Variants in TMEM273 observed in about 807,000 individuals in gnomAD.
The protein encoded by TMEM273 is transmembrane protein 273, also known as chromosome 10 open reading frame 128.
In TMEM273, 19 loss-of-function variants were observed where a neutral mutation model predicts 17.9. The observed-to-expected ratio is 1.06, with a 90% confidence interval of 0.74 to 1.55. The LOEUF is 1.55. TMEM273 is among the 40% of genes most tolerant of loss of function. The pLI is 0.00. For missense variants in TMEM273, 194 were observed against 155.6 expected (o/e 1.25, Z -1.31); for synonymous variants, 66 against 62.0 (o/e 1.07, Z -0.31).
chr10:49,157,170 C>T (rs1845561886), intron 6 of TMEM273, among the ~76,000 whole-genome samples: 1 of 152,204 alleles, frequency 6.6e-6, no homozygotes, highest in African/African-American at 2.4e-5. Flanking sequence ...AGAGAGCAGC[C>T]TCCTCCCACC....
At chr10:49,158,711 A>G (rs946977289) in intron 6 of TMEM273, among the ~76,000 whole-genome samples, 6 of 152,216 alleles carry the variant, frequency 3.9e-5, no homozygotes, top group Non-Finnish European at 7.3e-5. Flanking sequence ...AATTTAGAAC[A>G]TTATAAAAGA....
intron 1 of TMEM273, among the ~76,000 whole-genome samples, chr10:49,169,972 C>T (rs1263648148): frequency 6.6e-6 from 1 of 152,244 alleles, no homozygotes; most frequent in African/African-American, 2.4e-5. Flanking sequence ...GGGCCAGACC[C>T]CTGAGCCCCA....
At chr10:49,171,154 G>A (rs1459858079) in intron 1 of TMEM273, among the ~76,000 whole-genome samples, 4 of 152,262 alleles carry the variant, frequency 2.6e-5, no homozygotes, top group African/African-American at 9.6e-5. Context: ...GGGGACTGAG[G>A]TAAGGCTGTG....
At chr10:49,185,106 C>T (rs1807888913) in intron 1 of TMEM273, among the ~76,000 whole-genome samples, 1 of 152,124 alleles carries the variant, frequency 6.6e-6, no homozygotes, top group Non-Finnish European at 1.5e-5. Context: ...CCAAACTCCA[C>T]CTCTTATGTT....
At chr10:49,175,466 G>A (rs899928055) in intron 1 of TMEM273, among the ~76,000 whole-genome samples, 1 of 152,244 alleles carries the variant, frequency 6.6e-6, no homozygotes, top group Admixed American at 6.5e-5. Flanking sequence ...CTAGCTTCCA[G>A]AAATAGCATC....
Position 49,188,349 on chromosome 10 carries a change from C to T in TMEM273, c.-13G>A, listed in dbSNP as rs1007655464. ...CCCCCAAGTTCATGCTGGCGCTCTG[C>T]TCTTGGCTCCTGGCTCCTGGCTGCT... On this transcript the variant is annotated 5_prime_UTR_variant, in exon 1 of 7. Coordinates refer to ENST00000374153, the MANE Select transcript of TMEM273 (RefSeq NM_001288740.3). 3 of 1,614,068 alleles carry T rather than the reference C, an allele frequency of 1.9e-6. No individual in the cohort carries two copies. The highest frequency in any genetic ancestry group is 1.3e-5 in the African/African-American group (1 of 74,946).
rs1564613984 is a variant in TMEM273, at chr10:49,155,094, A to G, written c.*798T>C. On this transcript the variant is annotated 3_prime_UTR_variant, in exon 7 of 7. Transcript: ENST00000374153. ...ATTGTAGAATGTCATGGCTTTCCTC[A>G]GCCTCCACCAGTCATGTCTTCTATG... The G allele has an allele frequency of 6.6e-6, 1 of 152,250 alleles. No homozygotes were observed. The highest frequency in any genetic ancestry group is 1.5e-5 in the Non-Finnish European group (1 of 68,060). 9.4% of individuals were successfully genotyped at this position (152,250 alleles called of 1,614,324 possible).
At chr10:49,184,437 C>T (rs1171809448) in intron 1 of TMEM273, among the ~76,000 whole-genome samples, 3 of 152,108 alleles carry the variant, frequency 2.0e-5, no homozygotes, top group East Asian at 1.9e-4. Context: ...CAGAATACTA[C>T]ATAAAAGACC....
chr10:49,156,942 C>A (rs577241812), intron 6 of TMEM273, among the ~76,000 whole-genome samples: 35 of 152,142 alleles, frequency 2.3e-4, no homozygotes, highest in Admixed American at 1.8e-3. Flanking sequence ...CCTCAAATGC[C>A]GTCAGGGGTT....
chr10:49,179,958 C>T (rs1045516288), intron 1 of TMEM273, among the ~76,000 whole-genome samples: 1 of 152,220 alleles, frequency 6.6e-6, no homozygotes, highest in African/African-American at 2.4e-5. Context: ...GAGACCTGGG[C>T]TTCCACGCTC....
intron 6 of TMEM273, 24 bp downstream of exon 6, chr10:49,161,575 C>A: frequency 2.5e-6 from 4 of 1,614,184 alleles, no homozygotes; most frequent in African/African-American, 2.7e-5. Flanking sequence ...CCTTTTAAGA[C>A]AAGTGATCAC....
At chr10:49,168,769 C>G (rs1164080624) in intron 1 of TMEM273, among the ~76,000 whole-genome samples, 1 of 151,922 alleles carries the variant, frequency 6.6e-6, no homozygotes, top group Non-Finnish European at 1.5e-5. Flanking sequence ...CTGTAAGGGT[C>G]CCTCCCTCTT....
chr10:49,155,816 A>G lies in TMEM273; in HGVS notation c.*76T>C. 6.2e-7 allele frequency: 1 copy of G among 1,611,644 alleles called. No homozygotes were observed. Among genetic ancestry groups the G allele is most frequent in the Non-Finnish European group, 8.5e-7 (1 of 1,178,544 alleles). On this transcript the variant is annotated 3_prime_UTR_variant, in exon 7 of 7. Transcript: ENST00000374153. ...ACCAGCCTTGGGTGTTTGAATGCAGAACATCCTGAGATGTTAACCATGGGC... is the reference window on the plus strand; with the variant it reads ...ACCAGCCTTGGGTGTTTGAATGCAGGACATCCTGAGATGTTAACCATGGGC...
Position 49,155,776 on chromosome 10 carries a change from A to T in TMEM273, c.*116T>A, listed in dbSNP as rs1335574108. 3.5e-6 allele frequency: 5 copies of T among 1,446,130 alleles called. No individual in the cohort carries two copies. In the African/African-American group the frequency reaches 4.2e-5, roughly 12 times the overall value. 89.6% of individuals were successfully genotyped at this position (1,446,130 alleles called of 1,614,324 possible). On this transcript the variant is annotated 3_prime_UTR_variant, in exon 7 of 7. Coordinates refer to ENST00000374153, the MANE Select transcript of TMEM273 (RefSeq NM_001288740.3). ...ATTATTTGCCTCCAATATTCAGTCC[A>T]TGTGAAAGTTCATTACCAGCCTTGG...
chr10:49,163,133 G>A (rs373502765), intron 5 of TMEM273, among the ~76,000 whole-genome samples: 12 of 152,166 alleles, frequency 7.9e-5, no homozygotes, highest in African/African-American at 1.7e-4. Context: ...CTCTTAGGGC[G>A]GGGGGAAGGG....
chr10:49,167,951 C>A lies in TMEM273; in HGVS notation c.55G>T (p.Ala19Ser). ...GTCTTGCCTGTTGCCAGCACTTGAG[C>A]TCCTCCTACATCTGCAAAGAAAGAA... is the stretch of plus-strand genomic sequence containing the variant. ...RILFLLDVGG[A>S]QVLATGKTPG... The change falls in exon 2 of 7, where the codon GCT becomes TCT. Residue 19 changes from alanine (A) to serine (S), a missense_variant. Ala to Ser is a moderately conservative substitution (Grantham distance 99). Transcript: ENST00000374153. 6 of 1,614,112 alleles carry A rather than the reference C, an allele frequency of 3.7e-6. No homozygotes were observed. Among genetic ancestry groups the A allele is most frequent in the Non-Finnish European group, 4.2e-6 (5 of 1,180,012 alleles).
chr10:49,187,504 C>T lies in TMEM273; in HGVS notation c.43+790G>A, dbSNP rs11101008. Among the ~76,000 whole-genome samples the T allele has an allele frequency of 9.5e-3, 1,451 of 152,266 alleles. 40 individuals are homozygous for T. In the East Asian group the frequency reaches 0.1, roughly 11 times the overall value. Reference sequence around the variant, plus strand: ...GGAACGTCTTTGTATATATGAGGGACGTATGCTGCCTTTTTAGGAAACAAC... The same window carrying T: ...GGAACGTCTTTGTATATATGAGGGATGTATGCTGCCTTTTTAGGAAACAAC... On this transcript the variant is annotated intron_variant, in intron 1 of 6. Coordinates refer to ENST00000374153, the MANE Select transcript of TMEM273 (RefSeq NM_001288740.3).
chr10:49,165,086 C>G, intron 5 of TMEM273, 119 bp downstream of exon 5: 1 of 1,372,690 alleles, frequency 7.3e-7, no homozygotes, highest in Non-Finnish European at 9.6e-7. Flanking sequence ...AGAAAAAAAC[C>G]CATGCAAAAT....
At chr10:49,169,737 C>G (rs1198943148) in intron 1 of TMEM273, among the ~76,000 whole-genome samples, 1 of 152,156 alleles carries the variant, frequency 6.6e-6, no homozygotes, top group Non-Finnish European at 1.5e-5. Flanking sequence ...AATCTTGCTG[C>G]TCCAGCTAGG....
Sources: allele counts gnomAD v4.1 joint callset (sites outside exome capture counted in the v4.1 genomes callset), GRCh38; gene constraint gnomAD v4.1.1; transcripts MANE v1.5; gene names NCBI Gene and HGNC (gene_info 2026-07-23, HGNC 2026-07-21).